Variants in ASTN2 observed in about 807,000 individuals in gnomAD.
ASTN2 encodes the protein astrotactin 2, also known as astrotactin-2.
ASTN2 carries 54 observed loss-of-function variants against 139.8 expected under a neutral mutation model. That is an observed-to-expected ratio of 0.39 (90% CI 0.31 to 0.48). ASTN2 has a LOEUF of 0.48. ASTN2 is among the 20% of genes least tolerant of loss of function. ASTN2 has a pLI of 0.95. For missense variants in ASTN2, 1,565 were observed against 1,725.1 expected, an observed-to-expected ratio of 0.91 and a Z score of 1.64; for synonymous variants, 756 against 719.5, an observed-to-expected ratio of 1.05 and a Z score of -0.81.
chr9:116,908,770 T>C (rs1197186182), intron 10 of ASTN2, among the ~76,000 whole-genome samples: 2 of 152,256 alleles, frequency 1.3e-5, no homozygotes, highest in Admixed American at 6.5e-5. Context: ...ATCATGTGCC[T>C]ATACCATGTG....
rs567866772 is a variant in ASTN2, at chr9:117,314,233, C to G, written c.443-22720G>C. Among the ~76,000 whole-genome samples the G allele has an allele frequency of 3.4e-3, 522 of 152,206 alleles. 2 individuals carry two copies. Among genetic ancestry groups the G allele is most frequent in the Non-Finnish European group, 6.4e-3 (438 of 68,014 alleles). On this transcript the variant is annotated intron_variant, in intron 1 of 22. Transcript: ENST00000313400. ...CACACAGAGTTAACCTCCCCACCCC[C>G]ACCATGAATGTTTGCATGAAGTGAC...
In ASTN2 at chr9:116,863,654, G is replaced by C; in HGVS notation, c.1969C>G (p.Arg657Gly). The change falls in exon 11 of 23, where the codon CGG (arginine) becomes GGG (glycine). Residue 657 changes from arginine to glycine, a missense_variant. Coordinates refer to ENST00000313400, the MANE Select transcript of ASTN2 (RefSeq NM_001365068.1). ...TTGCGAGTGCAGCCCCCATTGTTCC[G>C]AGAGCAGTCACGAACTGGCCCGAAG... ...SSFGPVRDCS[R>G]NNGGCTRNFK... 1 of 1,614,150 alleles carries C rather than the reference G, an allele frequency of 6.2e-7. No individual in the cohort carries two copies. The highest frequency in any genetic ancestry group is 8.5e-7 in the Non-Finnish European group (1 of 1,180,022).
rs183594425 is a variant in ASTN2, at chr9:116,906,887, T to A, written c.1890-43154A>T. 5.0e-3 allele frequency among the ~76,000 whole-genome samples: 762 copies of A among 152,322 alleles called. 3 individuals carry two copies. Among genetic ancestry groups the A allele is most frequent in the Middle Eastern group, 0.017 (5 of 294 alleles). On this transcript the variant is annotated intron_variant, in intron 10 of 22. Coordinates refer to ENST00000313400, the MANE Select transcript of ASTN2 (RefSeq NM_001365068.1). ...AGTTTTATATTATTATCAATAAATATCATGAAATCTATAGCCCCTTAAAAT... is the reference window on the plus strand; with the variant it reads ...AGTTTTATATTATTATCAATAAATAACATGAAATCTATAGCCCCTTAAAAT...
At chr9:116,596,313 T>C (rs1467188715) in intron 19 of ASTN2, among the ~76,000 whole-genome samples, 1 of 152,212 alleles carries the variant, frequency 6.6e-6, no homozygotes, top group Non-Finnish European at 1.5e-5. Flanking sequence ...CAATGGAGTA[T>C]AAAGTTTCTG....
chr9:117,040,403 G>T (rs577547286), intron 5 of ASTN2, among the ~76,000 whole-genome samples: 2 of 152,266 alleles, frequency 1.3e-5, no homozygotes, highest in African/African-American at 4.8e-5. Flanking sequence ...TCAAATTTGG[G>T]CTTTGGCCCT....
Position 116,619,721 on chromosome 9 carries a change from G to T in ASTN2, c.3206+589C>A, listed in dbSNP as rs1042675758. 2.3e-5 allele frequency among the ~76,000 whole-genome samples: 3 copies of T among 129,762 alleles called. No individual in the cohort carries two copies. The Admixed American group carries it at 2.5e-4, about 11-fold the overall frequency. 85.1% of individuals were successfully genotyped at this position (129,762 alleles called of 152,430 possible). A position where few individuals can be genotyped will look rare whatever the true frequency, so the allele number is the denominator to read the frequency against. ...TTTTTTTTTTTTTTTTTGGAGAGAC[G>T]AGGTCTCATTATGTTGCCCAAGCTG... On this transcript the variant is annotated intron_variant, in intron 18 of 22. Coordinates refer to ENST00000313400, the MANE Select transcript of ASTN2 (RefSeq NM_001365068.1).
At chr9:116,776,179 T>A (rs1830084704) in intron 13 of ASTN2, among the ~76,000 whole-genome samples, 1 of 152,166 alleles carries the variant, frequency 6.6e-6, no homozygotes, top group Non-Finnish European at 1.5e-5. Flanking sequence ...AGATCTGCAT[T>A]CTGTGGGGTT....
intron 19 of ASTN2, among the ~76,000 whole-genome samples, chr9:116,549,336 A>G (rs1050806833): frequency 9.2e-5 from 14 of 152,156 alleles, no homozygotes; most frequent in Admixed American, 3.3e-4. Flanking sequence ...TAGAGGGACA[A>G]AAAGAAATAA....
At chr9:117,081,773 T>C (rs1352809328) in intron 5 of ASTN2, among the ~76,000 whole-genome samples, 1 of 152,148 alleles carries the variant, frequency 6.6e-6, no homozygotes, top group Non-Finnish European at 1.5e-5. Context: ...GGGAGACATG[T>C]GGCAAGGGCT....
intron 2 of ASTN2, among the ~76,000 whole-genome samples, chr9:117,225,802 G>A: frequency 6.6e-6 from 1 of 151,674 alleles, no homozygotes; most frequent in East Asian, 2.0e-4. Flanking sequence ...GATCGGATAA[G>A]GTGATATGTA....
At chr9:116,531,414 C>T (rs1490952494) in intron 19 of ASTN2, among the ~76,000 whole-genome samples, 9 of 152,118 alleles carry the variant, frequency 5.9e-5, no homozygotes, top group African/African-American at 1.9e-4. Flanking sequence ...ATATGCACAA[C>T]GTGCAGGTTT....
At chr9:117,394,564 G>A (rs925697004) in intron 1 of ASTN2, among the ~76,000 whole-genome samples, 2 of 152,182 alleles carry the variant, frequency 1.3e-5, no homozygotes, top group African/African-American at 2.4e-5. Flanking sequence ...GAGGGAAAGC[G>A]GGAGGAGAAA....
intron 2 of ASTN2, 89 bp downstream of exon 2, chr9:117,291,237 T>C: frequency 6.7e-7 from 1 of 1,496,264 alleles, no homozygotes; most frequent in East Asian, 2.4e-5. Flanking sequence ...TTTCCTTCCA[T>C]CTGTGGACAA....
chr9:116,460,577 T>A (rs1229332458), intron 20 of ASTN2, among the ~76,000 whole-genome samples: 2 of 152,134 alleles, frequency 1.3e-5, no homozygotes, highest in African/African-American at 4.8e-5. Context: ...TAGAAAGTGT[T>A]ACTTATAGAG....
At chr9:116,550,348 A>T (rs910121377) in intron 19 of ASTN2, among the ~76,000 whole-genome samples, 1 of 152,194 alleles carries the variant, frequency 6.6e-6, no homozygotes, top group Non-Finnish European at 1.5e-5. Context: ...TTTACCCTGT[A>T]TTATAGTTTT....
intron 20 of ASTN2, 106 bp from the exon 21 acceptor site, chr9:116,442,659 T>C: frequency 1.1e-6 from 1 of 887,046 alleles, no homozygotes; most frequent in Non-Finnish European, 1.9e-6. Context: ...ACAGGAAAAA[T>C]GATTTTAAAA....
intron 20 of ASTN2, among the ~76,000 whole-genome samples, chr9:116,456,107 T>C (rs1848325525): frequency 6.6e-6 from 1 of 152,068 alleles, no homozygotes; most frequent in Admixed American, 6.6e-5. Flanking sequence ...TGATCTTATA[T>C]TTGAAGACAC....
chr9:117,313,744 G>A (rs1260828879), intron 1 of ASTN2, among the ~76,000 whole-genome samples: 2 of 152,152 alleles, frequency 1.3e-5, no homozygotes, highest in Non-Finnish European at 2.9e-5. Flanking sequence ...AAGACACAGA[G>A]TTTTCATGTG....
At chr9:117,142,941 C>A (rs1381887691) in intron 3 of ASTN2, among the ~76,000 whole-genome samples, 1 of 152,064 alleles carries the variant, frequency 6.6e-6, no homozygotes, top group Non-Finnish European at 1.5e-5. Context: ...TGGGATGTGC[C>A]AACAATTTCT....
Sources: gnomAD v4.1 joint callset for allele counts (sites outside exome capture counted in the v4.1 genomes callset) on GRCh38, gnomAD v4.1.1 for gene constraint, MANE v1.5 for transcripts, NCBI Gene and HGNC (gene_info 2026-07-23, HGNC 2026-07-21) for gene names.